Variants in CYP46A1 observed in about 807,000 individuals in gnomAD.
The protein encoded by CYP46A1 is cytochrome P450 family 46 subfamily A member 1.
CYP46A1 carries 20 observed loss-of-function variants against 63.3 expected under a neutral mutation model. The ratio of observed to expected loss-of-function variants is 0.32; its 90% CI spans 0.22 to 0.46. The LOEUF (loss-of-function observed/expected upper bound fraction) is 0.46, where lower values mean the gene tolerates loss of function less well. Ranked by LOEUF, CYP46A1 falls within the 20% of genes least tolerant of loss-of-function variation. CYP46A1 has a pLI of 1.00. For synonymous variants in CYP46A1, 268 were observed against 273.6 expected (o/e 0.98, Z 0.20); for missense variants, 445 against 670.8 (o/e 0.66, Z 3.72).
At chr14:99,698,248 C>T (rs1430378347) in intron 3 of CYP46A1, among the ~76,000 whole-genome samples, 1 of 152,048 alleles carries the variant, frequency 6.6e-6, no homozygotes, top group East Asian at 1.9e-4. Flanking sequence ...GGTCCTGCAG[C>T]ACGTTCCCCC....
intron 7 of CYP46A1, chr14:99,709,818 G>C (rs187164762): frequency 6.6e-6 from 1 of 152,234 alleles, no homozygotes; most frequent in East Asian, 1.9e-4. Flanking sequence ...GACACAGAGA[G>C]AATTTTAAAA....
chr14:99,696,936 G>A (rs968350476), intron 3 of CYP46A1, among the ~76,000 whole-genome samples: 1 of 152,218 alleles, frequency 6.6e-6, no homozygotes, highest in African/African-American at 2.4e-5. Context: ...ATAAGTGGGA[G>A]TCTAGAGTAG....
intron 3 of CYP46A1, chr14:99,693,117 A>G (rs1183118999): frequency 6.6e-6 from 1 of 152,526 alleles, no homozygotes; most frequent in Non-Finnish European, 1.5e-5. Flanking sequence ...CCTGGCACAC[A>G]GCAATTGCTC....
Position 99,684,354 on chromosome 14 carries a change from C to T in CYP46A1, c.-64C>T. The T allele has an allele frequency of 1.9e-6, 2 of 1,043,964 alleles. No homozygotes were observed. Among genetic ancestry groups the T allele is most frequent in the Non-Finnish European group, 2.4e-6 (2 of 819,202 alleles). The allele number at this position is 1,043,964 out of a possible 1,614,324, so 64.7% of individuals were successfully genotyped here. ...CGCGGCGCTGACAGCTGAGTCGGCT[C>T]GCGGCCTCCCGGCCCCCTCGGCGCC... On this transcript the variant is annotated 5_prime_UTR_variant, in exon 1 of 15. Coordinates refer to ENST00000261835, the MANE Select transcript of CYP46A1 (RefSeq NM_006668.2).
At chr14:99,699,828 T>C (rs114223386) in intron 4 of CYP46A1, among the ~76,000 whole-genome samples, 187 bp from the exon 5 acceptor site, 1,941 of 152,252 alleles carry the variant, frequency 0.013, 29 homozygotes, top group African/African-American at 0.045. Context: ...TGACATAACA[T>C]TCACCATTTT....
At chr14:99,697,486 C>T (rs2056596479) in intron 3 of CYP46A1, among the ~76,000 whole-genome samples, 1 of 152,180 alleles carries the variant, frequency 6.6e-6, no homozygotes, top group Admixed American at 6.5e-5. Context: ...GTGCTGCTGT[C>T]CTGGAATTGC....
intron 6 of CYP46A1, among the ~76,000 whole-genome samples, 164 bp from the exon 7 acceptor site, chr14:99,707,404 C>T (rs2056687405): frequency 6.6e-6 from 1 of 152,188 alleles, no homozygotes; most frequent in Admixed American, 6.5e-5. Context: ...CATAGCATTC[C>T]ATGGGGATCA....
chr14:99,688,151 A>C (rs1307308999), intron 1 of CYP46A1, among the ~76,000 whole-genome samples: 1 of 152,012 alleles, frequency 6.6e-6, no homozygotes, highest in African/African-American at 2.4e-5. Context: ...CAAAACTGAG[A>C]ACATTCCCCC....
intron 1 of CYP46A1, among the ~76,000 whole-genome samples, chr14:99,686,332 A>G (rs571368093): frequency 1.3e-5 from 2 of 152,324 alleles, no homozygotes; most frequent in East Asian, 3.9e-4. Context: ...CAGAATTTAA[A>G]TCATCTTAAA....
At chr14:99,708,009 T>C (rs536926393) in intron 7 of CYP46A1, 2 of 300,150 alleles carry the variant, frequency 6.7e-6, no homozygotes, top group African/African-American at 4.4e-5. Context: ...ATCACCTCAT[T>C]GTCATAAGAT....
Position 99,722,094 on chromosome 14 carries a change from G to A in CYP46A1, c.1176+28G>A. ...GGGTGGAGGCCCTGGGGGTCCTGGG[G>A]TGGGCTGGGCTGCTTGCCCCAATGG... On this transcript the variant is annotated intron_variant, in intron 12 of 14. Transcript: ENST00000261835. This position sits in a 1 kb window ranked among gnomAD's most constrained non-coding sequence, Gnocchi z 4.6. 2 of 1,573,396 alleles carry A rather than the reference G, an allele frequency of 1.3e-6. No individual in the cohort carries two copies. The highest frequency in any genetic ancestry group is 1.7e-6 in the Non-Finnish European group (2 of 1,148,872).
At chr14:99,686,104 T>G (rs955942662) in intron 1 of CYP46A1, among the ~76,000 whole-genome samples, 1 of 152,214 alleles carries the variant, frequency 6.6e-6, no homozygotes, top group Non-Finnish European at 1.5e-5. Context: ...CAGCACATTG[T>G]ACATGCATAG....
chr14:99,704,876 T>C (rs369718104), intron 5 of CYP46A1, among the ~76,000 whole-genome samples: 2 of 151,872 alleles, frequency 1.3e-5, no homozygotes, highest in Admixed American at 6.6e-5. Flanking sequence ...GTAGTGATGG[T>C]TGTGGGGGAT....
chr14:99,705,969 A>G (rs1353840646), intron 5 of CYP46A1: 1 of 152,254 alleles, frequency 6.6e-6, no homozygotes, highest in Non-Finnish European at 1.5e-5. Flanking sequence ...TAATTATAAA[A>G]GCAGCATTTT....
Position 99,719,425 on chromosome 14 carries a change from T to G in CYP46A1, c.980+1299T>G, listed in dbSNP as rs377342848. On this transcript the variant is annotated intron_variant, in intron 10 of 14. Coordinates refer to ENST00000261835, the MANE Select transcript of CYP46A1 (RefSeq NM_006668.2). ...TTAGTAGAGACGGGGTTTTGCCATG[T>G]TGGCCAGGCTGGTCTCAAACTCCTG... 2.0e-4 allele frequency among the ~76,000 whole-genome samples: 30 copies of G among 150,956 alleles called. No individual in the cohort carries two copies. In the East Asian group the frequency reaches 4.5e-3, roughly 22 times the overall value.
intron 10 of CYP46A1, among the ~76,000 whole-genome samples, chr14:99,718,801 T>C (rs1197185594): frequency 1.3e-5 from 2 of 152,112 alleles, no homozygotes; most frequent in Non-Finnish European, 2.9e-5. Context: ...AGTGAAAGAT[T>C]GTGTGAAAAT....
At chr14:99,699,346 A>C in intron 3 of CYP46A1, 120 bp from the exon 4 acceptor site, 1 of 891,794 alleles carries the variant, frequency 1.1e-6, no homozygotes, top group East Asian at 2.4e-5. Context: ...CATGCATGGG[A>C]AGTGGGCACA....
rs534831559 is a variant in CYP46A1 at position 99,700,480 on chromosome 14, C to T, written c.443+379C>T. On this transcript the variant is annotated intron_variant, in intron 5 of 14. Coordinates refer to ENST00000261835, the MANE Select transcript of CYP46A1 (RefSeq NM_006668.2). The stretch of plus-strand genomic sequence containing the variant: ...GGTGATATAGTTGTGCTTTGTATAA[C>T]GATGTTTCGGTCAACGATGGAATGC... Among the ~76,000 whole-genome samples the T allele has an allele frequency of 8.5e-5, 13 of 152,250 alleles. 1 individual carries two copies. The highest frequency in any genetic ancestry group is 7.8e-4 in the Admixed American group (12 of 15,294).
rs546067925 is a variant in CYP46A1 at position 99,703,317 on chromosome 14, C to T, written c.443+3216C>T. ...ATCCTTGCCAGAACTCTTGCTACAG[C>T]CTCCTCATTGGCCTACCCTCCTCCT... On this transcript the variant is annotated intron_variant, in intron 5 of 14. Transcript: ENST00000261835. Among the ~76,000 whole-genome samples the T allele has an allele frequency of 2.0e-5, 3 of 152,296 alleles. No homozygotes were observed. The East Asian group carries it at 5.8e-4, about 29-fold the overall frequency.
Sources: allele counts gnomAD v4.1 joint callset (sites outside exome capture counted in the v4.1 genomes callset), GRCh38; gene constraint gnomAD v4.1.1; non-coding constraint Gnocchi (gnomAD v3.1); transcripts MANE v1.5; gene names NCBI Gene and HGNC (gene_info 2026-07-23, HGNC 2026-07-21).